The following SRP54 variants were observed in gnomAD, a reference collection of about 807,000 sequenced individuals.
The protein encoded by SRP54 is signal recognition particle subunit SRP54.
A neutral mutation model predicts 64.8 loss-of-function variants in SRP54; 10 were observed. The observed-to-expected ratio is 0.15, with a 90% CI of 0.10 to 0.26. The LOEUF is 0.26. Among genes scored for constraint, SRP54 ranks in the 10% least tolerant of loss-of-function variants. SRP54 has a pLI of 1.00. For missense variants in SRP54, 325 were observed against 613.7 expected (o/e 0.53, Z 4.97); for synonymous variants, 193 against 185.6 (o/e 1.04, Z -0.32).
intron 1 of SRP54, among the ~76,000 whole-genome samples, chr14:34,989,839 A>G (rs1296217166): frequency 6.6e-6 from 1 of 152,186 alleles, no homozygotes; most frequent in African/African-American, 2.4e-5. Flanking sequence ...AGACAGCTTT[A>G]TATGTATTGT....
intron 1 of SRP54, among the ~76,000 whole-genome samples, chr14:34,988,136 C>T (rs1046994539): frequency 1.1e-4 from 17 of 151,944 alleles, no homozygotes; most frequent in Non-Finnish European, 1.5e-5. Context: ...TTAACTTTTA[C>T]AGTGAAGATA....
At chr14:35,019,940 T>A (rs1184638994) in intron 13 of SRP54, among the ~76,000 whole-genome samples, 1 of 152,196 alleles carries the variant, frequency 6.6e-6, no homozygotes, top group Non-Finnish European at 1.5e-5. Flanking sequence ...CCCAGCACTT[T>A]GGGAGGCTGA....
rs1455834676 is a variant in SRP54, at chr14:34,986,339, G to C, written c.-34+3124G>C. Among the ~76,000 whole-genome samples, 3 of 152,130 alleles carry C rather than the reference G, an allele frequency of 2.0e-5. No homozygotes were observed. In the East Asian group the frequency reaches 5.8e-4, roughly 29 times the overall value. On this transcript the variant is annotated intron_variant, in intron 1 of 15. Transcript: ENST00000216774. ...TAATTTATCTTTTGAAGGGAGTCTT[G>C]TGTTAAACTGTTATATTTGATTAGG... is the stretch of plus-strand genomic sequence containing the variant.
At chr14:35,000,576 G>GA (rs1216602155) in intron 3 of SRP54, among the ~76,000 whole-genome samples, 1 of 146,318 alleles carries the variant, frequency 6.8e-6, no homozygotes, top group Non-Finnish European at 1.5e-5. Context: ...AAAAAAAAAA[G>GA]AAAAAAGAAA....
intron 1 of SRP54, among the ~76,000 whole-genome samples, chr14:34,994,734 C>T (rs936173745): frequency 7.9e-5 from 12 of 152,018 alleles, no homozygotes; most frequent in African/African-American, 2.9e-4. Flanking sequence ...CTCAGTCTTT[C>T]CAATAAAGCC....
intron 1 of SRP54, among the ~76,000 whole-genome samples, chr14:34,988,268 A>G (rs567939488): frequency 9.7e-4 from 147 of 152,078 alleles, no homozygotes; most frequent in African/African-American, 3.4e-3. Context: ...TAGTCATTAA[A>G]ATATATTTCA....
Position 35,014,017 on chromosome 14 carries a change from A to G in SRP54, c.886+115A>G, listed in dbSNP as rs1236711211. 3 of 740,618 alleles carry G rather than the reference A, an allele frequency of 4.1e-6. No homozygotes were observed. The African/African-American group carries it at 5.4e-5, about 13-fold the overall frequency. The allele number at this position is 740,618 out of a possible 1,614,324, so 45.9% of individuals were successfully genotyped here. ...TTTAAGCACATCATTTCTTTCTGTG[A>G]CTTAGTTTCCTTACCTGTAAAATAG... On this transcript the variant is annotated intron_variant, in intron 10 of 15. Coordinates refer to ENST00000216774, the MANE Select transcript of SRP54 (RefSeq NM_003136.4).
At chr14:35,005,387 A>G (rs2044240509) in intron 4 of SRP54, among the ~76,000 whole-genome samples, 1 of 152,186 alleles carries the variant, frequency 6.6e-6, no homozygotes, top group Non-Finnish European at 1.5e-5. Flanking sequence ...ATTAGATTGA[A>G]ATTTTTTTCA....
At chr14:34,993,204 C>T (rs576450326) in intron 1 of SRP54, 1 of 152,222 alleles carries the variant, frequency 6.6e-6, no homozygotes, top group East Asian at 1.9e-4. Flanking sequence ...TATGACATGA[C>T]CTCTAAAAAA....
chr14:35,002,668 C>G (rs1369564778), intron 4 of SRP54, among the ~76,000 whole-genome samples: 4 of 150,688 alleles, frequency 2.7e-5, no homozygotes, highest in Non-Finnish European at 5.9e-5. Flanking sequence ...ATCTCTTGAC[C>G]TAGTGATCTG....
In SRP54 at chr14:34,998,993, G is replaced by T. The variant is rs1566645489; in HGVS notation, c.79-565G>T. ...TGTGTATGTGTGTGTGTGTGTGTGT[G>T]TGTGTGTGTGTGTGTGTGTGGTTTT... On this transcript the variant is annotated intron_variant, in intron 2 of 15. Coordinates refer to ENST00000216774, the MANE Select transcript of SRP54 (RefSeq NM_003136.4). 4.6e-3 allele frequency among the ~76,000 whole-genome samples: 431 copies of T among 93,170 alleles called. 7 individuals carry two copies. The highest frequency in any genetic ancestry group is 0.014 in the African/African-American group (399 of 29,402). 61.1% of individuals were successfully genotyped at this position (93,170 alleles called of 152,430 possible).
At chr14:34,990,417 T>A (rs1450932629) in intron 1 of SRP54, among the ~76,000 whole-genome samples, 5 of 152,198 alleles carry the variant, frequency 3.3e-5, no homozygotes, top group Non-Finnish European at 4.4e-5. Flanking sequence ...TTTGCTTTTT[T>A]TTGGCAGGGA....
intron 11 of SRP54, among the ~76,000 whole-genome samples, chr14:35,016,699 G>A (rs1028563038): frequency 6.6e-6 from 1 of 152,102 alleles, no homozygotes; most frequent in African/African-American, 2.4e-5. Flanking sequence ...CTGCTTGAAG[G>A]TGAAGGTAGA....
chr14:35,011,792 G>T, intron 8 of SRP54, 133 bp downstream of exon 8: 1 of 718,874 alleles, frequency 1.4e-6, no homozygotes, highest in Non-Finnish European at 2.1e-6. Context: ...TTTTGTTTTG[G>T]GCACCTATAT....
At chr14:34,994,379 A>G (rs937794309) in intron 1 of SRP54, among the ~76,000 whole-genome samples, 1 of 152,170 alleles carries the variant, frequency 6.6e-6, no homozygotes, top group Non-Finnish European at 1.5e-5. Flanking sequence ...AAATTAGACT[A>G]CATTAGTTTG....
At position 35,007,161 on chromosome 14, in the gene SRP54, C is replaced by G. The variant is rs531625077; in HGVS notation, c.256-122C>G. Reference sequence around the variant, plus strand: ...TGAGCTCTGATTATGCCACTGCACTCCAGCCTGGGTGACAAGAGTGTGACC... The same window carrying G: ...TGAGCTCTGATTATGCCACTGCACTGCAGCCTGGGTGACAAGAGTGTGACC... On this transcript the variant is annotated intron_variant, in intron 4 of 15. Transcript: ENST00000216774. 5 of 494,154 alleles carry G rather than the reference C, an allele frequency of 1.0e-5. No individual in the cohort carries two copies. In the Admixed American group the frequency reaches 1.3e-4, roughly 13 times the overall value. 30.6% of individuals were successfully genotyped at this position (494,154 alleles called of 1,614,324 possible).
intron 1 of SRP54, among the ~76,000 whole-genome samples, chr14:34,991,653 A>G (rs575198281): frequency 6.7e-6 from 1 of 149,974 alleles, no homozygotes; most frequent in South Asian, 2.1e-4. Flanking sequence ...GCTAGTACCG[A>G]GACACTGAGG....
At chr14:35,000,784 C>T (rs1403901190) in intron 3 of SRP54, 152 bp from the exon 4 acceptor site, 5 of 399,912 alleles carry the variant, frequency 1.3e-5, no homozygotes, top group Admixed American at 4.5e-5. Context: ...TATAGACTTA[C>T]GAGTCTGTAG....
intron 1 of SRP54, among the ~76,000 whole-genome samples, chr14:34,994,068 A>T (rs999860892): frequency 6.6e-6 from 1 of 151,854 alleles, no homozygotes; most frequent in Admixed American, 6.6e-5. Context: ...ATCTCAGCTC[A>T]CTGTAACCTC....
Sources: gnomAD v4.1 joint callset for allele counts (sites outside exome capture counted in the v4.1 genomes callset) on GRCh38, gnomAD v4.1.1 for gene constraint, MANE v1.5 for transcripts, NCBI Gene and HGNC (gene_info 2026-07-23, HGNC 2026-07-21) for gene names.